The following CLIC4 variants were observed in gnomAD, a reference collection of about 807,000 sequenced individuals.
CLIC4 encodes the protein chloride intracellular channel protein 4.
CLIC4 carries 13 observed loss-of-function variants against 24.6 expected under a neutral mutation model. The observed-to-expected ratio is 0.53, with a 90% CI of 0.34 to 0.84. The LOEUF (loss-of-function observed/expected upper bound fraction) is 0.84, where lower values mean the gene tolerates loss of function less well. Ranked by LOEUF, CLIC4 falls within the 40% of genes least tolerant of loss-of-function variation. CLIC4 has a pLI of 0.01. For synonymous variants in CLIC4, 104 were observed against 111.3 expected (o/e 0.93, Z 0.41); for missense variants, 227 against 301.7 (o/e 0.75, Z 1.83).
chr1:24,818,208 G>A (rs1244190469), intron 3 of CLIC4, among the ~76,000 whole-genome samples: 1 of 152,108 alleles, frequency 6.6e-6, no homozygotes, highest in Non-Finnish European at 1.5e-5. Context: ...TATCTGCAAA[G>A]CACAATGAAG....
chr1:24,840,921 A>G lies in CLIC4; in HGVS notation c.746A>G (p.Lys249Arg), dbSNP rs745810937. 3.1e-6 allele frequency: 5 copies of G among 1,589,164 alleles called. No individual in the cohort carries two copies. Among genetic ancestry groups the G allele is most frequent in the African/African-American group, 1.4e-5 (1 of 73,522 alleles). Residue 249 changes from lysine (K) to arginine (R), a missense_variant, in exon 6 of 6, where the codon AAA (lysine) becomes AGA (arginine). Physicochemically the swap from Lys to Arg is conservative, Grantham distance 26. Coordinates refer to ENST00000374379, the MANE Select transcript of CLIC4 (RefSeq NM_013943.3). ...EVEIAYSDVA[K>R]RLTK ...GAAATAGCATATAGTGATGTAGCCA[A>G]AAGACTCACCAAGTAAAATCGCGTT...
intron 3 of CLIC4, among the ~76,000 whole-genome samples, chr1:24,821,866 G>A (rs1023132749): frequency 1.3e-5 from 2 of 152,138 alleles, no homozygotes; most frequent in African/African-American, 2.4e-5. Flanking sequence ...GATTACAGGC[G>A]TGAGCCACCG....
chr1:24,789,027 A>G (rs1356464612), intron 1 of CLIC4, among the ~76,000 whole-genome samples: 1 of 152,050 alleles, frequency 6.6e-6, no homozygotes. Flanking sequence ...AATTTAACCA[A>G]TCTTTTACTG....
chr1:24,765,442 C>T (rs1337155769), intron 1 of CLIC4, among the ~76,000 whole-genome samples: 1 of 152,096 alleles, frequency 6.6e-6, no homozygotes, highest in Non-Finnish European at 1.5e-5. Flanking sequence ...TAACAAGAAG[C>T]CAGAGAAATA....
intron 1 of CLIC4, among the ~76,000 whole-genome samples, chr1:24,778,487 G>C (rs1234510840): frequency 6.6e-6 from 1 of 152,056 alleles, no homozygotes; most frequent in Non-Finnish European, 1.5e-5. Flanking sequence ...TATAATCAAG[G>C]TAGATCCAGA....
intron 1 of CLIC4, among the ~76,000 whole-genome samples, chr1:24,766,703 G>A (rs1296528419): frequency 6.7e-5 from 10 of 150,036 alleles, no homozygotes; most frequent in Non-Finnish European, 3.0e-5. Context: ...ACATAGTTTC[G>A]CTATGTTGGC....
chr1:24,772,093 T>G (rs1639077575), intron 1 of CLIC4, among the ~76,000 whole-genome samples: 1 of 152,210 alleles, frequency 6.6e-6, no homozygotes. Flanking sequence ...TTCATGATAA[T>G]GGAGGCAGTT....
chr1:24,782,997 A>C (rs560516011), intron 1 of CLIC4, among the ~76,000 whole-genome samples: 1 of 152,052 alleles, frequency 6.6e-6, no homozygotes, highest in East Asian at 1.9e-4. Flanking sequence ...ACCCAACAAA[A>C]CAAAAACAAA....
rs755021740 is a variant in CLIC4 at position 24,745,570 on chromosome 1, C to G, written c.17C>G (p.Pro6Arg). The change falls in exon 1 of 6, where the codon CCG (proline) becomes CGG (arginine). Residue 6 changes from proline to arginine, a missense_variant. By Grantham distance (103) the Pro-to-Arg change is moderately radical. Coordinates refer to ENST00000374379, the MANE Select transcript of CLIC4 (RefSeq NM_013943.3). ...GAGCCGGCCATGGCGTTGTCGATGC[C>G]GCTGAATGGGCTGAAGGAGGAGGAC... MALSM[P>R]LNGLKEEDKE... 2 of 1,592,214 alleles carry G rather than the reference C, an allele frequency of 1.3e-6. No homozygotes were observed. Among genetic ancestry groups the G allele is most frequent in the South Asian group, 2.3e-5 (2 of 87,402 alleles).
chr1:24,752,300 C>G (rs978553540), intron 1 of CLIC4, among the ~76,000 whole-genome samples: 1 of 152,126 alleles, frequency 6.6e-6, no homozygotes, highest in African/African-American at 2.4e-5. Flanking sequence ...AGTTATCCCC[C>G]CACAAACAGT....
chr1:24,822,556 C>G (rs1020772638), intron 3 of CLIC4, among the ~76,000 whole-genome samples: 5 of 151,850 alleles, frequency 3.3e-5, no homozygotes, highest in African/African-American at 1.2e-4. Context: ...ACCATGTTGG[C>G]CAGGCTGGGA....
chr1:24,772,295 C>T (rs1639079588), intron 1 of CLIC4, among the ~76,000 whole-genome samples: 2 of 151,836 alleles, frequency 1.3e-5, no homozygotes, highest in Non-Finnish European at 2.9e-5. Context: ...AATTTTCCTT[C>T]ATCATATTTG....
intron 2 of CLIC4, among the ~76,000 whole-genome samples, chr1:24,798,772 C>CA (rs1639435898): frequency 6.6e-6 from 1 of 152,088 alleles, no homozygotes; most frequent in South Asian, 2.1e-4. Flanking sequence ...TCTCCTGCCT[C>CA]AGCCTGCCGA....
intron 3 of CLIC4, among the ~76,000 whole-genome samples, chr1:24,824,661 C>A (rs528070279): frequency 6.6e-6 from 1 of 152,142 alleles, no homozygotes; most frequent in South Asian, 2.1e-4. Flanking sequence ...AATGAGAGAT[C>A]TGAGGTGAAC....
chr1:24,784,284 T>A (rs1639239302), intron 1 of CLIC4, among the ~76,000 whole-genome samples: 1 of 152,220 alleles, frequency 6.6e-6, no homozygotes, highest in Non-Finnish European at 1.5e-5. Context: ...CATTCAGTTC[T>A]CCCAACTATC....
At chr1:24,787,830 T>G (rs1249064147) in intron 1 of CLIC4, among the ~76,000 whole-genome samples, 1 of 117,998 alleles carries the variant, frequency 8.5e-6, no homozygotes, top group Admixed American at 8.9e-5. Flanking sequence ...CAGGCGTGAG[T>G]CACCGTGCCC....
At chr1:24,758,996 G>C (rs969950446) in intron 1 of CLIC4, among the ~76,000 whole-genome samples, 12 of 152,080 alleles carry the variant, frequency 7.9e-5, no homozygotes, top group African/African-American at 2.9e-4. Context: ...CTCAGATTTT[G>C]CCTATATCTT....
At chr1:24,796,649 G>A (rs1302781374) in intron 1 of CLIC4, among the ~76,000 whole-genome samples, 5 of 152,218 alleles carry the variant, frequency 3.3e-5, no homozygotes, top group African/African-American at 1.2e-4. Flanking sequence ...TAGGTGTGTA[G>A]TAGGCTATCT....
At chr1:24,754,935 G>T (rs1366380035) in intron 1 of CLIC4, among the ~76,000 whole-genome samples, 1 of 151,930 alleles carries the variant, frequency 6.6e-6, no homozygotes, top group Non-Finnish European at 1.5e-5. Flanking sequence ...AGCTGGGCGT[G>T]GTGGTGGGCG....
Sources: gnomAD v4.1 joint callset for allele counts (sites outside exome capture counted in the v4.1 genomes callset) on GRCh38, gnomAD v4.1.1 for gene constraint, MANE v1.5 for transcripts, NCBI Gene and HGNC (gene_info 2026-07-23, HGNC 2026-07-21) for gene names.